TCF12: variants seen among roughly 807,000 people sequenced by gnomAD.
TCF12 encodes DNA-binding protein HTF4.
Under a neutral mutation model 86.0 loss-of-function variants are expected in TCF12, and 45 were observed. That is an observed-to-expected ratio of 0.52 (90% CI 0.41 to 0.67). The LOEUF (loss-of-function observed/expected upper bound fraction) is 0.67. TCF12 is among the 30% of genes least tolerant of loss of function. The pLI is 0.00. For synonymous variants in TCF12, 330 were observed against 299.6 expected (o/e 1.10, Z -1.05); for missense variants, 881 against 859.9 (o/e 1.02, Z -0.31).
chr15:56,980,719 A>G (rs1361826130), intron 3 of TCF12, among the ~76,000 whole-genome samples: 2 of 152,200 alleles, frequency 1.3e-5, no homozygotes, highest in Admixed American at 1.3e-4. Context: ...ATCTGTGCAC[A>G]CAGCCTCCAA....
intron 6 of TCF12, 59 bp from the exon 7 acceptor site, chr15:57,192,099 T>A (rs2057011062): frequency 6.3e-7 from 1 of 1,584,444 alleles, no homozygotes. Flanking sequence ...TGATGAAATT[T>A]TCAGGTTTGG....
At chr15:57,256,143 T>G (rs2060337095) in intron 16 of TCF12, among the ~76,000 whole-genome samples, 1 of 152,206 alleles carries the variant, frequency 6.6e-6, no homozygotes, top group African/African-American at 2.4e-5. Context: ...CTCCTGTCCT[T>G]CTGAAGTAAG....
chr15:57,196,179 TG>T (rs199518739), intron 7 of TCF12, among the ~76,000 whole-genome samples: 3 of 151,472 alleles, frequency 2.0e-5, no homozygotes, highest in African/African-American at 4.9e-5. Flanking sequence ...AAAAAAAAAA[TG>T]TAATGGGTGA....
intron 3 of TCF12, among the ~76,000 whole-genome samples, chr15:56,951,709 G>A (rs1393602322): frequency 6.6e-6 from 1 of 152,168 alleles, no homozygotes; most frequent in East Asian, 1.9e-4. Flanking sequence ...GAGTGCAATG[G>A]CATGATCATG....
intron 3 of TCF12, among the ~76,000 whole-genome samples, chr15:57,059,669 T>C (rs2068303475): frequency 6.8e-6 from 1 of 147,618 alleles, no homozygotes; most frequent in Non-Finnish European, 1.5e-5. Flanking sequence ...AATTCTTTAA[T>C]GATGGTTTAC....
chr15:57,140,395 T>C (rs557940249), intron 5 of TCF12, among the ~76,000 whole-genome samples: 1 of 152,298 alleles, frequency 6.6e-6, no homozygotes, highest in East Asian at 1.9e-4. Flanking sequence ...ATTATCGGGA[T>C]CAGGAGGAAC....
At chr15:56,947,844 G>A (rs2061078284) in intron 3 of TCF12, among the ~76,000 whole-genome samples, 6 of 152,200 alleles carry the variant, frequency 3.9e-5, no homozygotes, top group Admixed American at 3.9e-4. Context: ...ACAATGCAAT[G>A]TAAGTGATGC....
At position 57,247,431 on chromosome 15, in the gene TCF12, T is replaced by C. The variant is rs114713329; in HGVS notation, c.1114+3881T>C. 1,032 of 698,800 alleles carry C rather than the reference T, an allele frequency of 1.5e-3. 9 individuals are homozygous for C. The African/African-American group carries it at 0.016, about 11-fold the overall frequency. The allele number at this position is 698,800 out of a possible 1,614,324, so 43.3% of individuals were successfully genotyped here. ...GACCTCTGTCATCCAGCAGACTACA[T>C]CTCTTGTTTAGAAAGGGCCTTTTTT... On this transcript the variant is annotated intron_variant, in intron 13 of 20. Coordinates refer to ENST00000333725, the MANE Select transcript of TCF12 (RefSeq NM_207037.2).
chr15:57,178,395 G>GT (rs148667641), intron 6 of TCF12, among the ~76,000 whole-genome samples: 2,154 of 152,172 alleles, frequency 0.014, 53 homozygotes, highest in African/African-American at 0.049. Context: ...GCTATATTGG[G>GT]TTTTTTTACT....
At chr15:57,121,829 A>C (rs1439202294) in intron 5 of TCF12, among the ~76,000 whole-genome samples, 1 of 152,176 alleles carries the variant, frequency 6.6e-6, no homozygotes, top group African/African-American at 2.4e-5. Flanking sequence ...TTTAAAAAGG[A>C]ATAATGTTCA....
Position 57,273,042 on chromosome 15 carries a change from A to C in TCF12, c.1758A>C (p.Glu586Asp). 1 of 1,614,156 alleles carries C rather than the reference A, an allele frequency of 6.2e-7. No homozygotes were observed. Among genetic ancestry groups the C allele is most frequent in the South Asian group, 1.1e-5 (1 of 91,080 alleles). The part of the protein sequence containing the change: ...SSRGRTSSTN[E>D]DEDLNPEQKI... ...CTTTATTTTCTAGCAGTACTAATGA[A>C]GATGAGGATTTGAACCCTGAACAGA... The change falls in exon 19 of 21, where the codon GAA becomes GAC. Residue 586 changes from glutamate (E) to aspartate (D), a missense_variant. Coordinates refer to ENST00000333725, the MANE Select transcript of TCF12 (RefSeq NM_207037.2).
intron 3 of TCF12, among the ~76,000 whole-genome samples, chr15:56,950,617 T>C (rs1301416446): frequency 6.6e-6 from 1 of 152,200 alleles, no homozygotes; most frequent in Non-Finnish European, 1.5e-5. Flanking sequence ...TTCATTTATG[T>C]ACCAATAGTT....
intron 3 of TCF12, among the ~76,000 whole-genome samples, chr15:57,010,685 G>T (rs1008956488): frequency 7.9e-5 from 12 of 152,162 alleles, no homozygotes; most frequent in African/African-American, 2.4e-4. Context: ...TTTAAAAACA[G>T]CTCCAGGGTG....
intron 13 of TCF12, among the ~76,000 whole-genome samples, chr15:57,245,394 A>G (rs914050295): frequency 6.6e-6 from 1 of 152,272 alleles, no homozygotes; most frequent in African/African-American, 2.4e-5. Context: ...CTGAAATTAC[A>G]GGAAGAATGA....
chr15:57,059,521 C>T (rs1821404787), intron 3 of TCF12, among the ~76,000 whole-genome samples: 1 of 152,014 alleles, frequency 6.6e-6, no homozygotes, highest in African/African-American at 2.4e-5. Context: ...TTACCCTAGT[C>T]TTGGTTCAGG....
At chr15:56,918,410 T>A, upstream of TCF12, 1 of 363,566 alleles carries the variant, frequency 2.8e-6, no homozygotes, top group Non-Finnish European at 5.5e-6. Context: ...CGGCGAGCGG[T>A]CGGGGCCTGC....
chr15:57,033,615 A>G (rs1190743008), intron 3 of TCF12, among the ~76,000 whole-genome samples: 1 of 152,148 alleles, frequency 6.6e-6, no homozygotes, highest in Non-Finnish European at 1.5e-5. Context: ...AAGCTGTAGA[A>G]ATGTTCTACT....
chr15:57,055,158 T>C (rs1200023765), intron 3 of TCF12, among the ~76,000 whole-genome samples: 1 of 152,082 alleles, frequency 6.6e-6, no homozygotes, highest in Non-Finnish European at 1.5e-5. Context: ...CCCAGCACTT[T>C]GGGAGGCCGA....
chr15:57,263,048 T>C (rs907387680), intron 17 of TCF12, 64 bp from the exon 18 acceptor site: 2 of 1,521,132 alleles, frequency 1.3e-6, no homozygotes, highest in Non-Finnish European at 8.8e-7. Flanking sequence ...CTTTTTATTG[T>C]CTTAGCTGTA....
Sources: allele counts gnomAD v4.1 joint callset (sites outside exome capture counted in the v4.1 genomes callset), GRCh38; gene constraint gnomAD v4.1.1; transcripts MANE v1.5; gene names NCBI Gene and HGNC (gene_info 2026-07-23, HGNC 2026-07-21).